Variants in CCDC146 observed in about 807,000 individuals in gnomAD.
CCDC146 encodes the protein coiled-coil domain-containing protein 146.
In CCDC146, 92 loss-of-function variants were observed where a neutral mutation model predicts 119.3. The ratio of observed to expected loss-of-function variants is 0.77; its 90% CI spans 0.65 to 0.92. The LOEUF (loss-of-function observed/expected upper bound fraction) is 0.92. CCDC146 is among the 40% of genes least tolerant of loss of function. The pLI is 0.00. For synonymous variants in CCDC146, 372 were observed against 371.8 expected, an observed-to-expected ratio of 1.00 and a Z score of -0.01; for missense variants, 1,000 against 1,103.0, an observed-to-expected ratio of 0.91 and a Z score of 1.32.
chr7:77,253,160 G>T (rs1222389391), intron 4 of CCDC146, among the ~76,000 whole-genome samples: 1 of 152,190 alleles, frequency 6.6e-6, no homozygotes, highest in East Asian at 1.9e-4. Flanking sequence ...AAACAAAAGT[G>T]AAAATAATTG....
At chr7:77,279,541 C>T (rs149224152) in intron 13 of CCDC146, among the ~76,000 whole-genome samples, 155 of 152,190 alleles carry the variant, frequency 1.0e-3, no homozygotes, top group South Asian at 2.5e-3. Context: ...ACCAACATCC[C>T]CTGATTGTAG....
Position 77,287,502 on chromosome 7 carries a change from G to A in CCDC146, c.2340G>A (p.Gln780=), listed in dbSNP as rs3763402. The A allele has an allele frequency of 0.2, 318,573 of 1,613,534 alleles. 34,000 individuals are homozygous for A. Among genetic ancestry groups the A allele is most frequent in the African/African-American group, 0.38 (28,834 of 74,930 alleles). Residue 780 remains glutamine, a synonymous_variant, in exon 17 of 19, where the codon CAG becomes CAA. Transcript: ENST00000285871. The part of the protein sequence containing the change: ...KLLEKDFIYE[Q]VSRLTDRLCS... ...TGGAGAAGGATTTCATCTATGAGCA[G>A]GTCTCCAGGCTCACAGACAGGCTCT...
At chr7:77,234,143 A>C (rs2150479406) in intron 2 of CCDC146, among the ~76,000 whole-genome samples, 1 of 152,244 alleles carries the variant, frequency 6.6e-6, no homozygotes, top group East Asian at 1.9e-4. Context: ...GCTAGCCCCT[A>C]GTTGGTCTTC....
Position 77,241,857 on chromosome 7 carries a change from G to A in CCDC146, c.406G>A (p.Ala136Thr). 3.7e-6 allele frequency: 6 copies of A among 1,613,980 alleles called. No individual in the cohort carries two copies. The highest frequency in any genetic ancestry group is 5.1e-6 in the Non-Finnish European group (6 of 1,179,934). ...QLLKYQNEYN[A>T]VKEREFHNQY... ...TCTCAAGTATCAAAATGAATATAAT[G>A]CAGTGAAGGAAAGAGAGTTCCATAA... is the stretch of plus-strand genomic sequence containing the variant. The change falls in exon 4 of 19, where the codon GCA (alanine) becomes ACA (threonine). Residue 136 changes from alanine to threonine, a missense_variant. This residue lies in a region of CCDC146 where 985 missense variants were observed against 1,045.3 expected (regional missense o/e 0.94). Transcript: ENST00000285871.
intron 2 of CCDC146, among the ~76,000 whole-genome samples, chr7:77,226,471 C>T (rs1445891298): frequency 3.9e-5 from 6 of 152,252 alleles, no homozygotes; most frequent in Non-Finnish European, 7.3e-5. Context: ...AAAGCTCTTA[C>T]TGAGCTATTA....
intron 1 of CCDC146, among the ~76,000 whole-genome samples, chr7:77,143,132 C>T (rs1790961255): frequency 6.6e-6 from 1 of 151,756 alleles, no homozygotes; most frequent in Non-Finnish European, 1.5e-5. Context: ...TGGTATCTCA[C>T]TGTGGTTTTA....
intron 2 of CCDC146, among the ~76,000 whole-genome samples, chr7:77,233,559 A>G (rs537909977): frequency 2.2e-4 from 33 of 152,138 alleles, no homozygotes; most frequent in Non-Finnish European, 3.4e-4. Flanking sequence ...GTGGAAGACA[A>G]TTTTTCCGTG....
At chr7:77,150,335 A>G (rs1791091778) in intron 1 of CCDC146, among the ~76,000 whole-genome samples, 2 of 152,212 alleles carry the variant, frequency 1.3e-5, no homozygotes, top group South Asian at 4.1e-4. Flanking sequence ...TCCAGCATAT[A>G]CAAGGAACTC....
intron 2 of CCDC146, among the ~76,000 whole-genome samples, chr7:77,187,141 T>TA (rs1791680457): frequency 6.6e-6 from 1 of 152,220 alleles, no homozygotes; most frequent in African/African-American, 2.4e-5. Context: ...AGAGATTGAC[T>TA]AAAACCTTAT....
At chr7:77,242,016 C>G (rs968484740) in intron 4 of CCDC146, 116 bp downstream of exon 4, 1 of 733,006 alleles carries the variant, frequency 1.4e-6, no homozygotes, top group Non-Finnish European at 2.3e-6. Context: ...ATGATGATTG[C>G]AAACCTAGTT....
chr7:77,259,144 A>G (rs767847772), intron 7 of CCDC146, 76 bp downstream of exon 7: 6 of 811,594 alleles, frequency 7.4e-6, no homozygotes, highest in South Asian at 1.6e-5. Context: ...AGTACTAACC[A>G]TTGGACACAT....
At chr7:77,217,699 A>G (rs1792326883) in intron 2 of CCDC146, among the ~76,000 whole-genome samples, 1 of 152,088 alleles carries the variant, frequency 6.6e-6, no homozygotes, top group African/African-American at 2.4e-5. Context: ...GTGTACTTAC[A>G]CAAACCTAGA....
chr7:77,276,308 A>G (rs1464631710), intron 11 of CCDC146, among the ~76,000 whole-genome samples: 6 of 152,148 alleles, frequency 3.9e-5, no homozygotes, highest in African/African-American at 1.4e-4. Context: ...GGATTTACAT[A>G]GAATGGTATT....
rs558312454 is a variant in CCDC146, at chr7:77,216,292, A to G, written c.157-20655A>G. On this transcript the variant is annotated intron_variant, in intron 2 of 18. Transcript: ENST00000285871. The stretch of plus-strand genomic sequence containing the variant: ...AATTCGACATAGTATTCTTCTTTGG[A>G]TACTGTCCGCCCCCAGATGGTGTTT... 2.0e-5 allele frequency among the ~76,000 whole-genome samples: 3 copies of G among 152,172 alleles called. No homozygotes were observed. In the East Asian group the frequency reaches 5.8e-4, roughly 29 times the overall value.
At chr7:77,222,515 A>AAGAAGGGAGGT in intron 2 of CCDC146, among the ~76,000 whole-genome samples, 1 of 152,326 alleles carries the variant, frequency 6.6e-6, no homozygotes, top group South Asian at 2.1e-4. Flanking sequence ...TGATCTCAGC[A>AAGAAGGGAGGT]CATAAAAGGG....
At chr7:77,258,889 A>G (rs1793233349) in intron 6 of CCDC146, 106 bp from the exon 7 acceptor site, 2 of 712,108 alleles carry the variant, frequency 2.8e-6, no homozygotes. Flanking sequence ...GCAGATGGTA[A>G]GTATCTACAT....
At chr7:77,221,597 C>A (rs539221155) in intron 2 of CCDC146, among the ~76,000 whole-genome samples, 1 of 152,298 alleles carries the variant, frequency 6.6e-6, no homozygotes, top group South Asian at 2.1e-4. Context: ...GCCATAGAGT[C>A]TTCAGGCATG....
intron 1 of CCDC146, among the ~76,000 whole-genome samples, chr7:77,149,128 A>T (rs1791069375): frequency 6.6e-6 from 1 of 152,178 alleles, no homozygotes; most frequent in Admixed American, 6.5e-5. Context: ...ACCAAAACAG[A>T]TATATAGACC....
chr7:77,213,304 G>T (rs1792225031), intron 2 of CCDC146, among the ~76,000 whole-genome samples: 2 of 151,328 alleles, frequency 1.3e-5, no homozygotes, highest in African/African-American at 2.4e-5. Flanking sequence ...CATTTCCCAG[G>T]CTGGTCTTAA....
Sources: gnomAD v4.1 joint callset for allele counts (sites outside exome capture counted in the v4.1 genomes callset) on GRCh38, gnomAD v4.1.1 for gene constraint, gnomAD v4.1.1 regional missense constraint, MANE v1.5 for transcripts, NCBI Gene and HGNC (gene_info 2026-07-23, HGNC 2026-07-21) for gene names.